The following PXDN variants were observed in gnomAD, a reference collection of about 807,000 sequenced individuals.
The protein encoded by PXDN is peroxidasin, also known as peroxidasin homolog.
PXDN carries 77 observed loss-of-function variants against 140.3 expected under a neutral mutation model. The ratio of observed to expected loss-of-function variants is 0.55; its 90% CI spans 0.46 to 0.66. PXDN has a LOEUF of 0.66. Ranked by LOEUF, PXDN falls within the 30% of genes least tolerant of loss-of-function variation. The pLI is 0.00. For synonymous variants in PXDN, 911 were observed against 857.4 expected (o/e 1.06, Z -1.09); for missense variants, 1,838 against 2,039.5 (o/e 0.90, Z 1.90).
Position 1,639,220 on chromosome 2 carries a change from C to T in PXDN, c.4073+82G>A, listed in dbSNP as rs560336234. On this transcript the variant is annotated intron_variant, in intron 20 of 22. Transcript: ENST00000252804. The surrounding 1 kb of genome is among the most constrained non-coding windows in gnomAD (Gnocchi z 5.0). ...AGGAACCATCCTCGCCACAGGCCCA[C>T]AGCAGGATGCCGGTCCTACTGCCCG... 4.5e-6 allele frequency: 7 copies of T among 1,545,648 alleles called. No homozygotes were observed. The African/African-American group carries it at 6.8e-5, about 15-fold the overall frequency.
At chr2:1,734,759 C>T (rs1426680544) in intron 1 of PXDN, among the ~76,000 whole-genome samples, 3 of 152,112 alleles carry the variant, frequency 2.0e-5, no homozygotes, top group African/African-American at 7.2e-5. Context: ...CTCAGCTACT[C>T]GGGAGGCTGA....
chr2:1,648,032 C>T lies in PXDN; in HGVS notation c.3608+140G>A. On this transcript the variant is annotated intron_variant, in intron 17 of 22. Transcript: ENST00000252804. The surrounding 1 kb of genome is among the most constrained non-coding windows in gnomAD (Gnocchi z 8.9). ...GGAGGCTGCAGGTTCCCATCTTGAC[C>T]TTCATGGACTTGACCTTCATCTCAC... The T allele has an allele frequency of 8.0e-7, 1 of 1,245,182 alleles. No homozygotes were observed. The highest frequency in any genetic ancestry group is 2.3e-5 in the Admixed American group (1 of 44,242). The allele number at this position is 1,245,182 out of a possible 1,614,324, so 77.1% of individuals were successfully genotyped here.
intron 1 of PXDN, among the ~76,000 whole-genome samples, chr2:1,723,503 A>T (rs1179041432): frequency 6.6e-6 from 1 of 151,984 alleles, no homozygotes; most frequent in African/African-American, 2.4e-5. Context: ...TGAATGAGTA[A>T]ATTAATGGAT....
chr2:1,638,926 G>A lies in PXDN; in HGVS notation c.4126C>T (p.Arg1376Cys), dbSNP rs202081704. Residue 1376 changes from arginine (R) to cysteine (C), a missense_variant, in exon 21 of 23, where the codon CGC (arginine) becomes TGC (cysteine). Physicochemically the swap from Arg to Cys is radical, Grantham distance 180. This residue lies in a region of PXDN where 850 missense variants were observed against 894.1 expected (regional missense o/e 0.95). Transcript: ENST00000252804. ...TCATTTGTCCCAGATGCATCTGAGC[G>A]TGTGCTGAAGGCTGAGGTGCTGTTG... ...LSNSTSAFST[R>C]SDASGTNDFR... 3.8e-4 allele frequency: 616 copies of A among 1,613,838 alleles called. 1 individual carries two copies. The highest frequency in any genetic ancestry group is 4.9e-4 in the Non-Finnish European group (583 of 1,179,856).
chr2:1,718,493 C>G (rs1684944082), intron 1 of PXDN, among the ~76,000 whole-genome samples: 1 of 152,208 alleles, frequency 6.6e-6, no homozygotes, highest in East Asian at 1.9e-4. Flanking sequence ...CACTAACCTA[C>G]CACTCAAACC....
intron 12 of PXDN, 82 bp from the exon 13 acceptor site, chr2:1,662,266 A>C: frequency 8.4e-7 from 1 of 1,188,858 alleles, no homozygotes; most frequent in Non-Finnish European, 1.2e-6. Flanking sequence ...CCTGCCCTCC[A>C]TCAGGCCCAC....
intron 19 of PXDN, among the ~76,000 whole-genome samples, chr2:1,640,781 C>T (rs896816396): frequency 6.6e-6 from 1 of 152,196 alleles, no homozygotes; most frequent in Non-Finnish European, 1.5e-5. Context: ...TGGGGTCCAC[C>T]CAGGGCTGTG....
At chr2:1,702,988 AG>A (rs35670641) in intron 1 of PXDN, among the ~76,000 whole-genome samples, 3,219 of 116,504 alleles carry the variant, frequency 0.028, 242 homozygotes, top group African/African-American at 0.088. Flanking sequence ...CTCCAGGTGA[AG>A]GGGGGGACAA....
At chr2:1,683,575 C>T in intron 6 of PXDN, 81 bp downstream of exon 6, 1 of 680,104 alleles carries the variant, frequency 1.5e-6, no homozygotes, top group Non-Finnish European at 2.1e-6. Context: ...TTTCACAATA[C>T]TTGAAAAAGA....
intron 1 of PXDN, among the ~76,000 whole-genome samples, chr2:1,694,503 G>A (rs1684254665): frequency 6.6e-6 from 1 of 152,142 alleles, no homozygotes; most frequent in Admixed American, 6.6e-5. Context: ...AGAAGGGGAA[G>A]GCGGCCCCCC....
In PXDN at chr2:1,632,413, T is replaced by TCTC. The variant is rs1187759181; in HGVS notation, c.*1788_*1790dup. On this transcript the variant is annotated 3_prime_UTR_variant, in exon 23 of 23. Transcript: ENST00000252804. The surrounding 1 kb of genome is among the most constrained non-coding windows in gnomAD (Gnocchi z 4.3). ...TTACACATTTCCTATTTGACAGAAA[T>TCTC]CTCTTCCACAATTTGGTCACTACAT... 6.6e-6 allele frequency: 1 copy of TCTC among 152,160 alleles called. No homozygotes were observed. Among genetic ancestry groups the TCTC allele is most frequent in the African/African-American group, 2.4e-5 (1 of 41,416 alleles). 9.4% of individuals were successfully genotyped at this position (152,160 alleles called of 1,614,324 possible).
upstream of PXDN, chr2:1,744,531 G>GCCCACGT (rs1185384263): frequency 8.0e-7 from 1 of 1,246,008 alleles, no homozygotes; most frequent in Non-Finnish European, 1.0e-6. Flanking sequence ...CCCGGCCGCG[G>GCCCACGT]CCCACGTCCC....
At position 1,685,001 on chromosome 2, in the gene PXDN, T is replaced by C. The variant is rs1395126365; in HGVS notation, c.417-850A>G. On this transcript the variant is annotated intron_variant, in intron 4 of 22. Coordinates refer to ENST00000252804, the MANE Select transcript of PXDN (RefSeq NM_012293.3). The surrounding 1 kb of genome is among the most constrained non-coding windows in gnomAD (Gnocchi z 5.1). ...GGCCAAAATGAGCAAAGAAGCAGCATGCCAGCGTTCACAGGTCTTCATAAC... is the reference window on the plus strand; with the variant it reads ...GGCCAAAATGAGCAAAGAAGCAGCACGCCAGCGTTCACAGGTCTTCATAAC... Among the ~76,000 whole-genome samples, 2 of 152,226 alleles carry C rather than the reference T, an allele frequency of 1.3e-5. No individual in the cohort carries two copies. The highest frequency in any genetic ancestry group is 4.8e-5 in the African/African-American group (2 of 41,470).
intron 1 of PXDN, among the ~76,000 whole-genome samples, chr2:1,730,706 C>G (rs1392966042): frequency 6.6e-6 from 1 of 152,164 alleles, no homozygotes; most frequent in African/African-American, 2.4e-5. Flanking sequence ...TTCTAAGCCT[C>G]CACTGGTGAC....
At chr2:1,710,825 TCTCCACCAGCACCCA>T (rs1325633547) in intron 1 of PXDN, among the ~76,000 whole-genome samples, 3 of 41,204 alleles carry the variant, frequency 7.3e-5, no homozygotes, top group Non-Finnish European at 1.2e-4. Context: ...CAGCACCCAC[TCTCCACCAGCACCCA>T]CTCCACCAGC....
Position 1,744,404 on chromosome 2 carries a change from G to T in PXDN, c.52C>A (p.Leu18Met). Residue 18 changes from leucine to methionine, a missense_variant, in exon 1 of 23, where the codon CTG becomes ATG. Physicochemically the swap from Leu to Met is conservative, Grantham distance 15. Transcript: ENST00000252804. Reference sequence around the variant, plus strand: ...GCCAGCGTCCCCCAGGCGCAGAACAGCACGAGCGCCAACAGGCAGCGGCGC... The same window carrying T: ...GCCAGCGTCCCCCAGGCGCAGAACATCACGAGCGCCAACAGGCAGCGGCGC... ...PGRRCLLALV[L>M]FCAWGTLAVV... 1 of 1,514,636 alleles carries T rather than the reference G, an allele frequency of 6.6e-7. No homozygotes were observed. The highest frequency in any genetic ancestry group is 8.8e-7 in the Non-Finnish European group (1 of 1,138,398). The allele number at this position is 1,514,636 out of a possible 1,614,324, so 93.8% of individuals were successfully genotyped here.
chr2:1,675,076 T>G (rs1281284537), intron 8 of PXDN, among the ~76,000 whole-genome samples: 1 of 152,096 alleles, frequency 6.6e-6, no homozygotes, highest in Admixed American at 6.5e-5. Flanking sequence ...ATCCCCCAAC[T>G]TGCAATCTGT....
rs1397986107 is a variant in PXDN, at chr2:1,649,167, G to A, written c.2613C>T (p.Ser871=). Residue 871 remains serine (S), a synonymous_variant, in exon 17 of 23, where the codon AGC becomes AGT. Transcript: ENST00000252804. This position sits in a 1 kb window ranked among gnomAD's most constrained non-coding sequence, Gnocchi z 7.1. ...MIPPNDSRAR[S]GARCMFFVRS... ...GCACGAAGAACATGCAGCGGGCCCC[G>A]CTCCTGGCCCGGGAGTCATTGGGGG... The A allele has an allele frequency of 5.0e-6, 8 of 1,605,892 alleles. No individual in the cohort carries two copies. The South Asian group carries it at 6.6e-5, about 13-fold the overall frequency.
In PXDN at chr2:1,632,862, C is replaced by T. The variant is rs1392774908; in HGVS notation, c.*1342G>A. The stretch of plus-strand genomic sequence containing the variant: ...CTTGCTGCGGGCAGGTGGCCCGGAC[C>T]TTGGTGCCTCGTGTGCCCAGCACTG... On this transcript the variant is annotated 3_prime_UTR_variant, in exon 23 of 23. Coordinates refer to ENST00000252804, the MANE Select transcript of PXDN (RefSeq NM_012293.3). The surrounding 1 kb of genome is among the most constrained non-coding windows in gnomAD (Gnocchi z 4.3). 2 of 152,582 alleles carry T rather than the reference C, an allele frequency of 1.3e-5. No homozygotes were observed. The highest frequency in any genetic ancestry group is 4.8e-5 in the African/African-American group (2 of 41,468). 9.5% of individuals were successfully genotyped at this position (152,582 alleles called of 1,614,324 possible).
Sources: allele counts gnomAD v4.1 joint callset (sites outside exome capture counted in the v4.1 genomes callset), GRCh38; gene constraint gnomAD v4.1.1; regional missense constraint gnomAD v4.1.1; non-coding constraint Gnocchi (gnomAD v3.1); transcripts MANE v1.5; gene names NCBI Gene and HGNC (gene_info 2026-07-23, HGNC 2026-07-21).